Variants in ARNT2 observed in about 807,000 individuals in gnomAD.
ARNT2 encodes the protein aryl hydrocarbon receptor nuclear translocator 2.
ARNT2 carries 36 observed loss-of-function variants against 91.7 expected under a neutral mutation model. That is an observed-to-expected ratio of 0.39 (90% CI 0.30 to 0.52). The LOEUF (loss-of-function observed/expected upper bound fraction) is 0.52, where lower values mean the gene tolerates loss of function less well. Among genes scored for constraint, ARNT2 ranks in the 20% least tolerant of loss-of-function variants. The pLI, the probability that ARNT2 is intolerant of heterozygous loss-of-function variation, is 0.72. For synonymous variants in ARNT2, 365 were observed against 347.1 expected (o/e 1.05, Z -0.57); for missense variants, 775 against 939.3 (o/e 0.83, Z 2.29).
At chr15:80,480,497 T>A (rs1273562041) in intron 5 of ARNT2, among the ~76,000 whole-genome samples, 1 of 152,096 alleles carries the variant, frequency 6.6e-6, no homozygotes, top group Non-Finnish European at 1.5e-5. Flanking sequence ...CTGCCCTGGG[T>A]GGGGACCGCC....
At chr15:80,488,017 A>C (rs1054104313) in intron 5 of ARNT2, 1 of 152,224 alleles carries the variant, frequency 6.6e-6, no homozygotes, top group African/African-American at 2.4e-5. Context: ...TACACATCCA[A>C]CTAGGTTCTC....
chr15:80,508,391 G>A, intron 6 of ARNT2, 133 bp downstream of exon 6: 1 of 737,022 alleles, frequency 1.4e-6, no homozygotes, highest in South Asian at 1.7e-5. Flanking sequence ...TCGTCTTCTT[G>A]ACCTCAGCAT....
intron 1 of ARNT2, among the ~76,000 whole-genome samples, chr15:80,414,181 T>C (rs1303547571): frequency 6.6e-6 from 1 of 152,220 alleles, no homozygotes; most frequent in Non-Finnish European, 1.5e-5. Context: ...CACACAGTGC[T>C]TCTCAACTGG....
chr15:80,571,789 A>T (rs973388603), intron 12 of ARNT2, among the ~76,000 whole-genome samples: 1 of 152,192 alleles, frequency 6.6e-6, no homozygotes, highest in African/African-American at 2.4e-5. Flanking sequence ...TCCTTTCCCA[A>T]ATGGGGCAGA....
At chr15:80,424,678 A>G (rs974574242) in intron 1 of ARNT2, among the ~76,000 whole-genome samples, 1 of 152,006 alleles carries the variant, frequency 6.6e-6, no homozygotes, top group Non-Finnish European at 1.5e-5. Context: ...TTACTGCTTC[A>G]CTATTGCCTG....
intron 8 of ARNT2, among the ~76,000 whole-genome samples, chr15:80,541,559 C>T (rs1198835412): frequency 6.6e-6 from 1 of 152,030 alleles, no homozygotes; most frequent in Non-Finnish European, 1.5e-5. Context: ...AATTCTTTCC[C>T]AAGGCTGATA....
intron 17 of ARNT2, among the ~76,000 whole-genome samples, chr15:80,589,374 A>T (rs2141487467): frequency 6.6e-6 from 1 of 152,250 alleles, no homozygotes; most frequent in South Asian, 2.1e-4. Context: ...GTAAATGTTG[A>T]TGGCAAAGGG....
chr15:80,563,316 G>A (rs1026735581), intron 12 of ARNT2, 77 bp downstream of exon 12: 63 of 1,565,358 alleles, frequency 4.0e-5, no homozygotes, highest in Non-Finnish European at 5.2e-5. Flanking sequence ...TTTATTTGGA[G>A]TTCTTTCTCC....
rs139693588 is a variant in ARNT2 at position 80,582,221 on chromosome 15, G to A, written c.1918+817G>A. Among the ~76,000 whole-genome samples the A allele has an allele frequency of 1.0e-3, 158 of 152,000 alleles. 1 individual carries two copies. Among genetic ancestry groups the A allele is most frequent in the African/African-American group, 3.5e-3 (144 of 41,424 alleles). On this transcript the variant is annotated intron_variant, in intron 17 of 18. Coordinates refer to ENST00000303329, the MANE Select transcript of ARNT2 (RefSeq NM_014862.4). ...GAACAATTCTGTGCAGGCAGGGCGC[G>A]GTGACTCACATCTGTAATCCCAGCA...
chr15:80,562,285 G>A (rs1219604110), intron 11 of ARNT2, among the ~76,000 whole-genome samples: 3 of 152,048 alleles, frequency 2.0e-5, no homozygotes, highest in African/African-American at 7.2e-5. Context: ...CCAGGCTGGA[G>A]CATATTTTCA....
In ARNT2 at chr15:80,438,703, G is replaced by T. The variant is rs543964671; in HGVS notation, c.32-12177G>T. Reference sequence around the variant, plus strand: ...GCAAATGTTTTGCCTCTTTTTTGGGGTGGGGGGATGGAGTCTGGCACTGTC... The same window carrying T: ...GCAAATGTTTTGCCTCTTTTTTGGGTTGGGGGGATGGAGTCTGGCACTGTC... On this transcript the variant is annotated intron_variant, in intron 1 of 18. Coordinates refer to ENST00000303329, the MANE Select transcript of ARNT2 (RefSeq NM_014862.4). 2.9e-4 allele frequency among the ~76,000 whole-genome samples: 44 copies of T among 152,190 alleles called. 1 individual carries two copies. Among genetic ancestry groups the T allele is most frequent in the Non-Finnish European group, 4.0e-4 (27 of 67,998 alleles).
intron 1 of ARNT2, among the ~76,000 whole-genome samples, chr15:80,414,138 G>A (rs535728699): frequency 6.6e-6 from 1 of 152,300 alleles, no homozygotes; most frequent in South Asian, 2.1e-4. Flanking sequence ...CAGGACATGT[G>A]AGAAACCTGG....
chr15:80,487,509 GC>G (rs1431223500), intron 5 of ARNT2, among the ~76,000 whole-genome samples: 1 of 152,184 alleles, frequency 6.6e-6, no homozygotes, highest in Non-Finnish European at 1.5e-5. Context: ...GAGAAGTTTG[GC>G]CCCCAGCTCA....
intron 1 of ARNT2, among the ~76,000 whole-genome samples, chr15:80,413,368 G>C (rs553271257): frequency 6.6e-6 from 1 of 152,236 alleles, no homozygotes; most frequent in Admixed American, 6.5e-5. Flanking sequence ...TCCTAGGATT[G>C]ACCTACACAC....
At chr15:80,562,560 C>T (rs1898384794) in intron 11 of ARNT2, among the ~76,000 whole-genome samples, 1 of 151,986 alleles carries the variant, frequency 6.6e-6, no homozygotes, top group Non-Finnish European at 1.5e-5. Flanking sequence ...ATAAATAATC[C>T]ATAGAAAGTG....
chr15:80,546,634 G>C (rs1371730640), intron 8 of ARNT2, among the ~76,000 whole-genome samples: 1 of 152,178 alleles, frequency 6.6e-6, no homozygotes, highest in Non-Finnish European at 1.5e-5. Flanking sequence ...ATCTCGACTA[G>C]AGACATAGTC....
chr15:80,574,099 G>A, intron 12 of ARNT2, 49 bp from the exon 13 acceptor site: 1 of 1,551,962 alleles, frequency 6.4e-7, no homozygotes, highest in Non-Finnish European at 8.9e-7. Context: ...TAGCCCTATT[G>A]TCACCCCTTC....
intron 1 of ARNT2, chr15:80,434,364 A>G (rs886813001): frequency 5.9e-5 from 9 of 152,224 alleles, no homozygotes; most frequent in African/African-American, 2.2e-4. Flanking sequence ...ACAATGTCAC[A>G]CTGGGCATCT....
intron 3 of ARNT2, 66 bp from the exon 4 acceptor site, chr15:80,470,152 G>A (rs1896712475): frequency 1.4e-6 from 2 of 1,465,064 alleles, no homozygotes; most frequent in East Asian, 4.8e-5. Context: ...TATCCCATTA[G>A]ATAGTAATCC....
Sources: gnomAD v4.1 joint callset for allele counts (sites outside exome capture counted in the v4.1 genomes callset) on GRCh38, gnomAD v4.1.1 for gene constraint, MANE v1.5 for transcripts, NCBI Gene and HGNC (gene_info 2026-07-23, HGNC 2026-07-21) for gene names.